PTPRK: variants seen among roughly 807,000 people sequenced by gnomAD.
PTPRK encodes the protein receptor-type tyrosine-protein phosphatase kappa.
In PTPRK, 75 loss-of-function variants were observed where a neutral mutation model predicts 178.0. The ratio of observed to expected loss-of-function variants is 0.42; its 90% CI spans 0.35 to 0.51. The LOEUF is 0.51. Among genes scored for constraint, PTPRK ranks in the 20% least tolerant of loss-of-function variants. PTPRK has a pLI of 0.02. For synonymous variants in PTPRK, 637 were observed against 620.6 expected (o/e 1.03, Z -0.39); for missense variants, 1,441 against 1,797.8 (o/e 0.80, Z 3.59).
intron 5 of PTPRK, chr6:128,238,174 G>A: frequency 2.8e-6 from 1 of 353,674 alleles, no homozygotes; most frequent in South Asian, 2.1e-5. Flanking sequence ...TCACCATTCT[G>A]TAGCAAACGC....
intron 18 of PTPRK, among the ~76,000 whole-genome samples, chr6:127,993,014 G>GTTTCAT (rs1238789120): frequency 3.3e-5 from 5 of 151,672 alleles, no homozygotes; most frequent in Non-Finnish European, 7.4e-5. Flanking sequence ...TCATGTAAAT[G>GTTTCAT]TTTAGTCATT....
In PTPRK at chr6:128,423,842, TA is replaced by T. The variant is rs367576505; in HGVS notation, c.101-26155del. Among the ~76,000 whole-genome samples the T allele has an allele frequency of 5.8e-3, 870 of 151,148 alleles. 2 individuals are homozygous for T. Among genetic ancestry groups the T allele is most frequent in the Non-Finnish European group, 9.2e-3 (621 of 67,698 alleles). ...GAGTCTGTCTCAGAAAAGAAATAAA[TA>T]AAATACAGTACATAAAAAATAAAAA... On this transcript the variant is annotated intron_variant, in intron 1 of 29. Transcript: ENST00000368226.
At chr6:128,352,890 C>T (rs1489585805) in intron 2 of PTPRK, among the ~76,000 whole-genome samples, 1 of 152,064 alleles carries the variant, frequency 6.6e-6, no homozygotes, top group East Asian at 1.9e-4. Flanking sequence ...ATAGTTTGTT[C>T]AATGTCCTTT....
chr6:128,402,596 T>C (rs1351826060), intron 1 of PTPRK, among the ~76,000 whole-genome samples: 4 of 152,182 alleles, frequency 2.6e-5, no homozygotes, highest in African/African-American at 9.7e-5. Flanking sequence ...CTCTGAAATA[T>C]ACTGGGATAT....
intron 13 of PTPRK, among the ~76,000 whole-genome samples, chr6:128,026,080 G>A (rs966726340): frequency 2.6e-5 from 4 of 152,224 alleles, no homozygotes; most frequent in Non-Finnish European, 5.9e-5. Flanking sequence ...AAAATTAAGA[G>A]AATCCCAAGA....
rs757509910 is a variant in PTPRK at position 128,003,202 on chromosome 6, A to T, written c.2494+1882T>A. ...ATAAAGATTTAGGGCCTCACCTAAC[A>T]CAGCAGTCGGTACAAGTGGATCATT... On this transcript the variant is annotated intron_variant, in intron 15 of 29. Transcript: ENST00000368226. 14 of 1,604,266 alleles carry T rather than the reference A, an allele frequency of 8.7e-6. No individual in the cohort carries two copies. The Admixed American group carries it at 2.4e-4, about 27-fold the overall frequency.
chr6:127,991,275 TTC>T lies in PTPRK; in HGVS notation c.2979+17_2979+18del, dbSNP rs1476056505. The T allele has an allele frequency of 6.4e-7, 1 of 1,561,084 alleles. No individual in the cohort carries two copies. The highest frequency in any genetic ancestry group is 8.7e-7 in the Non-Finnish European group (1 of 1,148,050). Reference sequence around the variant, plus strand: ...TATGTTCATTTTTATGACAAAAAAATTCTTTTTCTTCCTCTTACCCGGCCAAC... The same window carrying T: ...TATGTTCATTTTTATGACAAAAAAATTTTTTCTTCCTCTTACCCGGCCAAC... On this transcript the variant is annotated intron_variant, in intron 20 of 29. Transcript: ENST00000368226.
chr6:128,142,339 C>T (rs1300763185), intron 7 of PTPRK, among the ~76,000 whole-genome samples: 1 of 151,650 alleles, frequency 6.6e-6, no homozygotes, highest in Non-Finnish European at 1.5e-5. Flanking sequence ...ATAAAGTCTA[C>T]CACAGGCCAT....
At chr6:128,159,277 G>A (rs1046347671) in intron 7 of PTPRK, among the ~76,000 whole-genome samples, 3 of 151,726 alleles carry the variant, frequency 2.0e-5, no homozygotes, top group Admixed American at 1.3e-4. Context: ...ATTCCAAAAG[G>A]ATATAGCAAG....
At chr6:128,172,362 A>G (rs1243336989) in intron 7 of PTPRK, among the ~76,000 whole-genome samples, 2 of 151,906 alleles carry the variant, frequency 1.3e-5, no homozygotes, top group African/African-American at 4.8e-5. Context: ...AAGGGTAGAA[A>G]CATTTATTTT....
At chr6:128,099,317 T>C (rs1182646780) in intron 7 of PTPRK, among the ~76,000 whole-genome samples, 1 of 151,880 alleles carries the variant, frequency 6.6e-6, no homozygotes, top group Non-Finnish European at 1.5e-5. Context: ...GGTCAGTCAA[T>C]TCAGTCTAGT....
Position 128,296,484 on chromosome 6 carries a change from G to A in PTPRK, c.495+25555C>T, listed in dbSNP as rs145382002. 9.0e-3 allele frequency among the ~76,000 whole-genome samples: 1,364 copies of A among 152,260 alleles called. 19 individuals are homozygous for A. The highest frequency in any genetic ancestry group is 0.031 in the African/African-American group (1,279 of 41,528). ...AAGGGCAGCCATAGAGAAAGGTTGG[G>A]TTATCCACAAAGGGAAGCCCATCAG... On this transcript the variant is annotated intron_variant, in intron 3 of 29. Coordinates refer to ENST00000368226, the MANE Select transcript of PTPRK (RefSeq NM_002844.4).
intron 6 of PTPRK, among the ~76,000 whole-genome samples, chr6:128,204,262 C>G (rs569664888): frequency 6.6e-6 from 1 of 152,034 alleles, no homozygotes; most frequent in Admixed American, 6.5e-5. Flanking sequence ...AAAACATATA[C>G]AAAAATTAAC....
In PTPRK at chr6:127,972,767, A is replaced by G. The variant is rs557386507; in HGVS notation, c.4269+255T>C. Among the ~76,000 whole-genome samples, 4 of 152,242 alleles carry G rather than the reference A, an allele frequency of 2.6e-5. No individual in the cohort carries two copies. The South Asian group carries it at 8.3e-4, about 32-fold the overall frequency. On this transcript the variant is annotated intron_variant, in intron 29 of 29. Coordinates refer to ENST00000368226, the MANE Select transcript of PTPRK (RefSeq NM_002844.4). ...TTACTGCAGCAAATATTTTTTGGCT[A>G]TAACAGAAAAAAAATCCTACAAATT... is the stretch of plus-strand genomic sequence containing the variant.
At chr6:128,400,134 C>T (rs1840834114) in intron 1 of PTPRK, among the ~76,000 whole-genome samples, 1 of 151,798 alleles carries the variant, frequency 6.6e-6, no homozygotes, top group African/African-American at 2.4e-5. Flanking sequence ...CTATGGGAGA[C>T]ATATATATTA....
chr6:128,511,395 T>A (rs903909191), intron 1 of PTPRK, among the ~76,000 whole-genome samples: 3 of 152,194 alleles, frequency 2.0e-5, no homozygotes, highest in Non-Finnish European at 4.4e-5. Flanking sequence ...TTAGATTCAA[T>A]GGTTGGAAAC....
At chr6:128,284,231 TATG>T (rs991841578) in intron 3 of PTPRK, among the ~76,000 whole-genome samples, 2 of 152,214 alleles carry the variant, frequency 1.3e-5, no homozygotes, top group African/African-American at 4.8e-5. Context: ...TGCCTGTGAC[TATG>T]ATGTCTCTCT....
At chr6:128,043,177 T>C (rs1777478559) in intron 13 of PTPRK, among the ~76,000 whole-genome samples, 1 of 152,048 alleles carries the variant, frequency 6.6e-6, no homozygotes, top group African/African-American at 2.4e-5. Flanking sequence ...AGAGAAATTA[T>C]TACGATAGAC....
intron 1 of PTPRK, among the ~76,000 whole-genome samples, chr6:128,425,835 C>T (rs1008157531): frequency 2.0e-5 from 3 of 152,164 alleles, no homozygotes; most frequent in Non-Finnish European, 2.9e-5. Context: ...ACTCCATCTA[C>T]TTTTACAGGC....
Sources: allele counts gnomAD v4.1 joint callset (sites outside exome capture counted in the v4.1 genomes callset), GRCh38; gene constraint gnomAD v4.1.1; transcripts MANE v1.5; gene names NCBI Gene and HGNC (gene_info 2026-07-23, HGNC 2026-07-21).